The following CADM2 variants were observed in gnomAD, a reference collection of about 807,000 sequenced individuals.
The protein encoded by CADM2 is immunoglobulin superfamily member 4D.
In CADM2, 12 loss-of-function variants were observed where a neutral mutation model predicts 49.8. The ratio of observed to expected loss-of-function variants is 0.24; its 90% CI spans 0.15 to 0.39. The LOEUF (loss-of-function observed/expected upper bound fraction) is 0.39, where lower values mean the gene tolerates loss of function less well. CADM2 is among the 10% of genes least tolerant of loss of function. The pLI is 1.00. For synonymous variants in CADM2, 214 were observed against 175.4 expected, an observed-to-expected ratio of 1.22 and a Z score of -1.74; for missense variants, 378 against 492.3, an observed-to-expected ratio of 0.77 and a Z score of 2.20.
intron 1 of CADM2, among the ~76,000 whole-genome samples, chr3:85,013,522 A>G (rs187019770): frequency 2.0e-5 from 3 of 152,036 alleles, no homozygotes; most frequent in East Asian, 3.9e-4. Flanking sequence ...TTTAATAAAT[A>G]GAATACAAAT....
chr3:85,352,280 G>C (rs58154502), intron 1 of CADM2, among the ~76,000 whole-genome samples: 6,031 of 152,158 alleles, frequency 0.04, 410 homozygotes, highest in African/African-American at 0.14. Context: ...AGCAGCACTA[G>C]AAGACAAACA....
intron 8 of CADM2, among the ~76,000 whole-genome samples, chr3:86,023,226 A>C (rs1733423423): frequency 6.6e-6 from 1 of 152,206 alleles, no homozygotes; most frequent in African/African-American, 2.4e-5. Flanking sequence ...GTATAAACAA[A>C]TGTAACACAA....
intron 2 of CADM2, among the ~76,000 whole-genome samples, chr3:85,739,857 T>C (rs11705717): frequency 0.021 from 3,135 of 152,242 alleles, 51 homozygotes; most frequent in South Asian, 0.03. Context: ...ATGTGAATCC[T>C]TATTATCAAA....
chr3:85,396,289 A>C (rs2034785886), intron 1 of CADM2, among the ~76,000 whole-genome samples: 1 of 151,828 alleles, frequency 6.6e-6, no homozygotes, highest in Middle Eastern at 3.4e-3. Flanking sequence ...GTCATTATTC[A>C]TATATAATTA....
At chr3:85,440,766 T>G (rs1424563770) in intron 1 of CADM2, among the ~76,000 whole-genome samples, 1 of 152,056 alleles carries the variant, frequency 6.6e-6, no homozygotes, top group African/African-American at 2.4e-5. Context: ...GCGGATCACT[T>G]GAGGTCAGGA....
At chr3:85,204,511 C>T (rs2041584381) in intron 1 of CADM2, among the ~76,000 whole-genome samples, 1 of 152,096 alleles carries the variant, frequency 6.6e-6, no homozygotes, top group Admixed American at 6.6e-5. Context: ...AGATTAGTTG[C>T]TTGTTCCTCA....
intron 8 of CADM2, chr3:85,993,352 T>G (rs2108711768): frequency 6.6e-6 from 1 of 152,362 alleles, no homozygotes; most frequent in Middle Eastern, 3.4e-3. Flanking sequence ...CTTTAGGCTC[T>G]ACTTATAGTT....
At chr3:84,966,921 C>G (rs953612143) in intron 1 of CADM2, among the ~76,000 whole-genome samples, 1 of 151,780 alleles carries the variant, frequency 6.6e-6, no homozygotes, top group Non-Finnish European at 1.5e-5. Flanking sequence ...TAAAAATAAG[C>G]ATACTTTTGC....
Position 85,664,189 on chromosome 3 carries a change from G to A in CADM2, c.62-62333G>A, listed in dbSNP as rs532935774. 2.6e-4 allele frequency among the ~76,000 whole-genome samples: 40 copies of A among 151,810 alleles called. No individual in the cohort carries two copies. In the South Asian group the frequency reaches 8.3e-3, roughly 31 times the overall value. On this transcript the variant is annotated intron_variant, in intron 1 of 9. Coordinates refer to ENST00000383699, the MANE Select transcript of CADM2 (RefSeq NM_001167675.2). ...TTTCTATCTACTTTCATTTTATTGG[G>A]TAATGTTTAGTTCCATGCTTTTAAA...
chr3:85,400,974 C>A (rs1576486407), intron 1 of CADM2, among the ~76,000 whole-genome samples: 1 of 152,204 alleles, frequency 6.6e-6, no homozygotes. Context: ...AAAATCCCCT[C>A]CCGGCTGCTG....
At chr3:85,829,804 A>T (rs1303036937) in intron 3 of CADM2, among the ~76,000 whole-genome samples, 2 of 152,014 alleles carry the variant, frequency 1.3e-5, no homozygotes, top group African/African-American at 4.8e-5. Context: ...CACTTAGCGT[A>T]ATGTTCTCCA....
intron 1 of CADM2, among the ~76,000 whole-genome samples, chr3:85,555,255 G>A (rs1375546): frequency 0.51 from 77,960 of 152,012 alleles, 23,063 homozygotes; most frequent in East Asian, 0.85. Flanking sequence ...TTGGGTAATC[G>A]CCAGTGTATT....
intron 3 of CADM2, among the ~76,000 whole-genome samples, chr3:85,851,550 T>C (rs892385600): frequency 4.6e-5 from 7 of 151,336 alleles, no homozygotes; most frequent in African/African-American, 1.7e-4. Flanking sequence ...CCAGTTACTT[T>C]ATCATTTTTC....
At chr3:85,059,480 A>G in intron 1 of CADM2, among the ~76,000 whole-genome samples, 1 of 152,272 alleles carries the variant, frequency 6.6e-6, no homozygotes, top group Non-Finnish European at 1.5e-5. Flanking sequence ...AGACAAGTAA[A>G]TCAAAGAAAA....
Position 86,065,745 on chromosome 3 carries a change from G to T in CADM2, c.1096+15G>T. 1 of 1,612,128 alleles carries T rather than the reference G, an allele frequency of 6.2e-7. No individual in the cohort carries two copies. Among genetic ancestry groups the T allele is most frequent in the Non-Finnish European group, 8.5e-7 (1 of 1,179,182 alleles). ...AAGGCATAAAGGTACGTTATATTTA[G>T]CCAGAGTACACAATGTGGGCAAAAT... On this transcript the variant is annotated intron_variant, in intron 9 of 9. Transcript: ENST00000383699.
At chr3:84,998,547 T>C (rs2033292591) in intron 1 of CADM2, among the ~76,000 whole-genome samples, 1 of 152,186 alleles carries the variant, frequency 6.6e-6, no homozygotes, top group Non-Finnish European at 1.5e-5. Flanking sequence ...AGTGAAATTT[T>C]ATTTTTTTAA....
At chr3:85,807,808 C>A (rs2072548194) in intron 3 of CADM2, among the ~76,000 whole-genome samples, 1 of 152,140 alleles carries the variant, frequency 6.6e-6, no homozygotes, top group Non-Finnish European at 1.5e-5. Context: ...CCAGTTCCAG[C>A]CTTGGCTAGT....
intron 1 of CADM2, among the ~76,000 whole-genome samples, chr3:85,258,994 A>C (rs1559746870): frequency 6.6e-6 from 1 of 152,276 alleles, no homozygotes; most frequent in African/African-American, 2.4e-5. Context: ...GAGATAATGG[A>C]AACTTTCTAT....
Position 85,184,414 on chromosome 3 carries a change from A to AT in CADM2, c.61+224754dup, listed in dbSNP as rs1042227618. 2.3e-4 allele frequency among the ~76,000 whole-genome samples: 35 copies of AT among 151,760 alleles called. No homozygotes were observed. The East Asian group carries it at 2.5e-3, about 11-fold the overall frequency. On this transcript the variant is annotated intron_variant, in intron 1 of 9. Transcript: ENST00000383699. ...TGAGAAATGACCTAATACTTATTGCATTTTTTTTCCTTTTTGAAATGAAAA... is the reference window on the plus strand; with the variant it reads ...TGAGAAATGACCTAATACTTATTGCATTTTTTTTTCCTTTTTGAAATGAAAA...
Sources: gnomAD v4.1 joint callset for allele counts (sites outside exome capture counted in the v4.1 genomes callset) on GRCh38, gnomAD v4.1.1 for gene constraint, MANE v1.5 for transcripts, NCBI Gene and HGNC (gene_info 2026-07-23, HGNC 2026-07-21) for gene names.